MITF: variants seen among roughly 807,000 people sequenced by gnomAD.
MITF encodes the protein melanocyte inducing transcription factor.
Under a neutral mutation model 60.5 loss-of-function variants are expected in MITF, and 17 were observed. The observed-to-expected ratio is 0.28, with a 90% confidence interval of 0.19 to 0.42. The LOEUF (loss-of-function observed/expected upper bound fraction) is 0.42, where lower values mean the gene tolerates loss of function less well. Among genes scored for constraint, MITF ranks in the 10% least tolerant of loss-of-function variants. The pLI is 1.00. For synonymous variants in MITF, 260 were observed against 248.5 expected (o/e 1.05, Z -0.43); for missense variants, 622 against 683.5 (o/e 0.91, Z 1.00).
chr3:69,903,085 T>C (rs2065027976), intron 2 of MITF, among the ~76,000 whole-genome samples: 1 of 152,182 alleles, frequency 6.6e-6, no homozygotes, highest in Non-Finnish European at 1.5e-5. Context: ...GGGTTTTATT[T>C]TTAATTATTA....
At chr3:69,832,916 A>T (rs1217389033) in intron 1 of MITF, among the ~76,000 whole-genome samples, 1 of 152,094 alleles carries the variant, frequency 6.6e-6, no homozygotes, top group African/African-American at 2.4e-5. Flanking sequence ...GTTACACTGT[A>T]TGTGGTTATA....
At chr3:69,905,318 T>C (rs576227934) in intron 2 of MITF, among the ~76,000 whole-genome samples, 1 of 152,284 alleles carries the variant, frequency 6.6e-6, no homozygotes, top group African/African-American at 2.4e-5. Flanking sequence ...CAATATCTCA[T>C]TCCTTTATAT....
At chr3:69,762,872 C>A (rs2062231735) in intron 1 of MITF, 3 of 224,688 alleles carry the variant, frequency 1.3e-5, no homozygotes, top group African/African-American at 4.5e-5. Flanking sequence ...GTTTAATAAT[C>A]AGTTTAATAG....
rs138145130 is a variant in MITF, at chr3:69,903,772, T to A, written c.354+24389T>A. Among the ~76,000 whole-genome samples the A allele has an allele frequency of 5.0e-3, 762 of 152,282 alleles. 2 individuals carry two copies. The highest frequency in any genetic ancestry group is 0.01 in the South Asian group (50 of 4,826). On this transcript the variant is annotated intron_variant, in intron 2 of 9. Transcript: ENST00000352241. ...TTCTAGAAATCATAGCTTCTGACTC[T>A]GCGTCAGCATGGTGGGTGTTTGGGC...
chr3:69,939,182 G>A lies in MITF; in HGVS notation c.666+1G>A, dbSNP rs1246772999. The A allele has an allele frequency of 3.7e-6, 6 of 1,613,666 alleles. No individual in the cohort carries two copies. Among genetic ancestry groups the A allele is most frequent in the Non-Finnish European group, 5.1e-6 (6 of 1,179,710 alleles). The stretch of plus-strand genomic sequence containing the variant: ...ACATTCACGAGCGTCCTGTATGCAG[G>A]TACTGAATGACTTGGCAGCCTGAGG... On this transcript the variant is annotated splice_donor_variant, in intron 4 of 9. Coordinates refer to ENST00000352241, the MANE Select transcript of MITF (RefSeq NM_001354604.2). LOFTEE classifies it high-confidence loss of function.
At chr3:69,784,993 T>C (rs907335811) in intron 1 of MITF, among the ~76,000 whole-genome samples, 1 of 152,010 alleles carries the variant, frequency 6.6e-6, no homozygotes, top group Non-Finnish European at 1.5e-5. Context: ...GCTTGCCTTT[T>C]GTTTATTTTC....
At chr3:69,788,951 G>T (rs1046406082) in intron 1 of MITF, among the ~76,000 whole-genome samples, 4 of 152,084 alleles carry the variant, frequency 2.6e-5, no homozygotes, top group African/African-American at 7.2e-5. Flanking sequence ...ACTCAAGATG[G>T]ATTCAAGACC....
Position 69,828,923 on chromosome 3 carries a change from T to C in MITF, c.105-50211T>C, listed in dbSNP as rs574578658. ...GAGAACAAAAACATTGGCATCTGAA[T>C]TGAATACTGGAATATCGTGTGAGTG... On this transcript the variant is annotated intron_variant, in intron 1 of 9. Coordinates refer to ENST00000352241, the MANE Select transcript of MITF (RefSeq NM_001354604.2). 1.3e-3 allele frequency among the ~76,000 whole-genome samples: 185 copies of C among 145,646 alleles called. 1 individual carries two copies. The highest frequency in any genetic ancestry group is 2.5e-3 in the Non-Finnish European group (162 of 65,048).
intron 1 of MITF, among the ~76,000 whole-genome samples, chr3:69,823,846 T>G (rs572435574): frequency 1.1e-3 from 163 of 152,310 alleles, no homozygotes; most frequent in African/African-American, 3.7e-3. Context: ...TACTGAGTGG[T>G]AGCCTATGAT....
At chr3:69,783,695 A>G (rs2062603562) in intron 1 of MITF, among the ~76,000 whole-genome samples, 1 of 151,944 alleles carries the variant, frequency 6.6e-6, no homozygotes, top group Non-Finnish European at 1.5e-5. Flanking sequence ...ATTATCCAGA[A>G]TATGTTTTTT....
At chr3:69,834,643 A>T (rs2063509460) in intron 1 of MITF, among the ~76,000 whole-genome samples, 1 of 152,170 alleles carries the variant, frequency 6.6e-6, no homozygotes, top group Admixed American at 6.5e-5. Context: ...ATGGGAGTGC[A>T]GATATCTCTT....
rs886704331 is a variant in MITF at position 69,806,942 on chromosome 3, A to G, written c.104+67241A>G. On this transcript the variant is annotated intron_variant, in intron 1 of 9. Coordinates refer to ENST00000352241, the MANE Select transcript of MITF (RefSeq NM_001354604.2). Reference sequence around the variant, plus strand: ...CCAGTAAAATGAGTAATGCAAGGAAATTCTGATGCACAGCTTCCTTTTGAA... The same window carrying G: ...CCAGTAAAATGAGTAATGCAAGGAAGTTCTGATGCACAGCTTCCTTTTGAA... Among the ~76,000 whole-genome samples, 41 of 152,204 alleles carry G rather than the reference A, an allele frequency of 2.7e-4. 2 individuals are homozygous for G. Among genetic ancestry groups the G allele is most frequent in the Non-Finnish European group, 1.5e-5 (1 of 68,036 alleles).
intron 1 of MITF, among the ~76,000 whole-genome samples, chr3:69,843,516 G>T (rs1308011453): frequency 2.0e-5 from 3 of 152,062 alleles, no homozygotes; most frequent in Admixed American, 6.6e-5. Context: ...ACAAGATAGA[G>T]CCTTACAAAT....
chr3:69,947,610 G>A (rs1271297868), intron 5 of MITF, among the ~76,000 whole-genome samples: 1 of 152,054 alleles, frequency 6.6e-6, no homozygotes, highest in Non-Finnish European at 1.5e-5. Context: ...GCCTGTGTAT[G>A]GGGGTATGTG....
At chr3:69,872,694 T>A (rs78059723) in intron 1 of MITF, among the ~76,000 whole-genome samples, 2,680 of 152,302 alleles carry the variant, frequency 0.018, 38 homozygotes, top group Middle Eastern at 0.048. Flanking sequence ...TAGTCTTTCC[T>A]GGTACCTGTT....
chr3:69,843,477 T>C (rs2063675747), intron 1 of MITF, among the ~76,000 whole-genome samples: 2 of 152,150 alleles, frequency 1.3e-5, no homozygotes, highest in African/African-American at 4.8e-5. Flanking sequence ...ATACTTAATA[T>C]TATGCCTCTG....
chr3:69,776,461 A>C (rs901684159), intron 1 of MITF, among the ~76,000 whole-genome samples: 1 of 152,182 alleles, frequency 6.6e-6, no homozygotes, highest in African/African-American at 2.4e-5. Context: ...TGCGTGTTTG[A>C]GTTTCCTCAT....
intron 2 of MITF, among the ~76,000 whole-genome samples, chr3:69,905,183 T>C (rs1439314020): frequency 6.6e-6 from 1 of 152,096 alleles, no homozygotes; most frequent in East Asian, 1.9e-4. Flanking sequence ...TCACTATAGA[T>C]GAGTTTGTAA....
At chr3:69,848,356 T>A (rs2063766913) in intron 1 of MITF, among the ~76,000 whole-genome samples, 1 of 152,252 alleles carries the variant, frequency 6.6e-6, no homozygotes, top group Non-Finnish European at 1.5e-5. Flanking sequence ...AATATCACTC[T>A]GACAAATATT....
Sources: gnomAD v4.1 joint callset for allele counts (sites outside exome capture counted in the v4.1 genomes callset) on GRCh38, gnomAD v4.1.1 for gene constraint, MANE v1.5 for transcripts, NCBI Gene and HGNC (gene_info 2026-07-23, HGNC 2026-07-21) for gene names.